The following PRH1 variants were observed in gnomAD, a reference collection of about 807,000 sequenced individuals.
The protein encoded by PRH1 is salivary acidic proline-rich phosphoprotein 1/2.
A neutral mutation model predicts 7.9 loss-of-function variants in PRH1; 7 were observed. That is an observed-to-expected ratio of 0.89 (90% CI 0.50 to 1.67). The LOEUF (loss-of-function observed/expected upper bound fraction) is 1.67. Among genes scored for constraint, PRH1 ranks in the 40% most tolerant of loss-of-function variants. The pLI, the probability that PRH1 is intolerant of heterozygous loss-of-function variation, is 0.00. For missense variants in PRH1, 109 were observed against 223.6 expected (o/e 0.49, Z 3.27); for synonymous variants, 45 against 80.8 (o/e 0.56, Z 2.38).
At chr12:11,131,659 T>A (rs1719185836) in intron 1 of PRH1, among the ~76,000 whole-genome samples, 1 of 114,208 alleles carries the variant, frequency 8.8e-6, no homozygotes, top group Non-Finnish European at 2.1e-5. Flanking sequence ...TGTTCTACCT[T>A]GTCGCCAATT....
intron 1 of PRH1, among the ~76,000 whole-genome samples, chr12:11,121,553 T>G (rs1945904899): frequency 6.6e-6 from 1 of 152,214 alleles, no homozygotes. Flanking sequence ...ATCTCTTTTC[T>G]AACTACACAT....
intron 1 of PRH1, among the ~76,000 whole-genome samples, chr12:11,001,925 T>C (rs1940614678): frequency 1.3e-5 from 2 of 152,116 alleles, no homozygotes; most frequent in South Asian, 2.1e-4. Flanking sequence ...ACTTTAGAAG[T>C]AAGAGCTTGA....
chr12:10,959,773 T>C (rs930389977), intron 2 of PRH1, among the ~76,000 whole-genome samples: 2 of 152,162 alleles, frequency 1.3e-5, no homozygotes, highest in African/African-American at 4.8e-5. Flanking sequence ...GCCTTATTCC[T>C]CTCTATTGAA....
chr12:11,010,584 G>T (rs904976963), intron 1 of PRH1, among the ~76,000 whole-genome samples: 1 of 151,670 alleles, frequency 6.6e-6, no homozygotes, highest in East Asian at 1.9e-4. Flanking sequence ...AAAATACTTC[G>T]CCTTAATCAG....
chr12:11,061,441 T>A (rs1346807069), intron 1 of PRH1: 1 of 1,614,106 alleles, frequency 6.2e-7, no homozygotes. Context: ...CTGCTTTAGC[T>A]TCTTGTTTCC....
intron 1 of PRH1, among the ~76,000 whole-genome samples, chr12:11,074,380 A>T (rs75869188): frequency 0.015 from 2,172 of 148,182 alleles, 1 homozygote; most frequent in South Asian, 0.03. Flanking sequence ...CAGTTGTAAA[A>T]GTGGCCACCT....
rs1387483577 is a variant in PRH1 at position 10,938,146 on chromosome 12, A to G, written c.-59+35509T>C. On this transcript the variant is annotated intron_variant, in intron 2 of 3. Transcript: ENST00000539853. ...TGTTTGGATGGTGTTGATTCCAAGCATATCTTTGTAAAATTCACAAAGTTA... is the reference window on the plus strand; with the variant it reads ...TGTTTGGATGGTGTTGATTCCAAGCGTATCTTTGTAAAATTCACAAAGTTA... The G allele has an allele frequency of 6.8e-6, 5 of 733,510 alleles. No homozygotes were observed. In the African/African-American group the frequency reaches 8.9e-5, roughly 13 times the overall value. The allele number at this position is 733,510 out of a possible 1,614,324, so 45.4% of individuals were successfully genotyped here. A position where few individuals can be genotyped will look rare whatever the true frequency, so the allele number is the denominator to read the frequency against.
At chr12:10,928,825 CCGTCTTCACTGTT>C (rs1950159282) in intron 2 of PRH1, among the ~76,000 whole-genome samples, 1 of 152,194 alleles carries the variant, frequency 6.6e-6, no homozygotes, top group African/African-American at 2.4e-5. Flanking sequence ...GACATATTGA[CCGTCTTCACTGTT>C]AGCTGTAGGA....
At chr12:10,945,240 T>C (rs1413838627) in intron 2 of PRH1, among the ~76,000 whole-genome samples, 1 of 152,166 alleles carries the variant, frequency 6.6e-6, no homozygotes, top group Non-Finnish European at 1.5e-5. Context: ...GAGTTCATTA[T>C]TGGTCTGTGC....
chr12:10,975,641 A>T (rs373033364), intron 1 of PRH1, among the ~76,000 whole-genome samples: 1 of 152,284 alleles, frequency 6.6e-6, no homozygotes, highest in East Asian at 1.9e-4. Flanking sequence ...TGGATAAAAA[A>T]GCGTAGCCTA....
intron 1 of PRH1, among the ~76,000 whole-genome samples, chr12:11,113,088 G>A (rs1029509636): frequency 1.3e-5 from 2 of 152,084 alleles, no homozygotes; most frequent in African/African-American, 2.4e-5. Flanking sequence ...ATACAGCTAA[G>A]AAGAGATGTG....
intron 1 of PRH1, among the ~76,000 whole-genome samples, chr12:11,000,853 T>C (rs1281061195): frequency 1.3e-5 from 2 of 152,128 alleles, no homozygotes; most frequent in African/African-American, 2.4e-5. Flanking sequence ...ATTCTCAATA[T>C]TGATTATTTA....
intron 2 of PRH1, among the ~76,000 whole-genome samples, chr12:10,922,984 G>C (rs1303598963): frequency 6.7e-6 from 1 of 148,950 alleles, no homozygotes; most frequent in Non-Finnish European, 1.5e-5. Context: ...GCCCGCCACC[G>C]CGCCCGGCTA....
chr12:11,041,651 T>C (rs1393612572), intron 1 of PRH1, among the ~76,000 whole-genome samples: 1 of 152,166 alleles, frequency 6.6e-6, no homozygotes, highest in Admixed American at 6.5e-5. Flanking sequence ...TTACGTAACA[T>C]TTCACCCAAA....
In PRH1 at chr12:10,882,432, G is replaced by C; in HGVS notation, c.367C>G (p.Pro123Ala). Reference sequence around the variant, plus strand: ...CCTTGTGGCCTTCCTTGAGGAGGAGGGGGATGGCCTCCCTGTTGGGGTGGT... The same window carrying C: ...CCTTGTGGCCTTCCTTGAGGAGGAGCGGGATGGCCTCCCTGTTGGGGTGGT... Reference protein sequence around the residue: ...QGPPQQGGHPPPPQGRPQGPP... With the variant: ...QGPPQQGGHPAPPQGRPQGPP... The change falls in exon 3 of 4, where the codon CCT becomes GCT. Residue 123 changes from proline (P) to alanine (A), a missense_variant. Pro to Ala is a conservative substitution (Grantham distance 27). Coordinates refer to ENST00000543626, the MANE Select transcript of PRH1 (RefSeq NM_001393989.1). 6.2e-7 allele frequency: 1 copy of C among 1,600,200 alleles called. No homozygotes were observed. Among genetic ancestry groups the C allele is most frequent in the South Asian group, 1.1e-5 (1 of 90,036 alleles).
intron 1 of PRH1, chr12:11,159,683 T>C (rs1191753704): frequency 1.3e-5 from 2 of 152,154 alleles, no homozygotes; most frequent in Middle Eastern, 6.8e-3. Flanking sequence ...AAATATTAAT[T>C]CCAACGAACA....
At chr12:10,934,298 A>G (rs1350863904) in intron 2 of PRH1, among the ~76,000 whole-genome samples, 1 of 152,148 alleles carries the variant, frequency 6.6e-6, no homozygotes. Flanking sequence ...CTGTAAAGAT[A>G]ACTACAGCTC....
upstream of PRH1, among the ~76,000 whole-genome samples, chr12:11,051,239 G>T (rs995595341): frequency 3.3e-5 from 5 of 152,134 alleles, no homozygotes; most frequent in African/African-American, 1.2e-4. Context: ...AAAACTAGAA[G>T]AAATATCTAC....
At chr12:11,020,025 T>C (rs535522711) in intron 1 of PRH1, among the ~76,000 whole-genome samples, 138 of 152,400 alleles carry the variant, frequency 9.1e-4, no homozygotes, top group African/African-American at 3.2e-3. Flanking sequence ...ACACCTGATA[T>C]AGCTGCATCA....
Sources: allele counts gnomAD v4.1 joint callset (sites outside exome capture counted in the v4.1 genomes callset), GRCh38; gene constraint gnomAD v4.1.1; transcripts MANE v1.5; gene names NCBI Gene and HGNC (gene_info 2026-07-23, HGNC 2026-07-21).